ZNF618: variants seen among roughly 807,000 people sequenced by gnomAD.
The protein encoded by ZNF618 is neural precursor cell expressed, developmentally down-regulated 10.
Under a neutral mutation model 103.0 loss-of-function variants are expected in ZNF618, and 34 were observed. The observed-to-expected ratio is 0.33, with a 90% CI of 0.25 to 0.44. The LOEUF is 0.44. Ranked by LOEUF, ZNF618 falls within the 20% of genes least tolerant of loss-of-function variation. ZNF618 has a pLI of 1.00. For synonymous variants in ZNF618, 551 were observed against 542.2 expected (o/e 1.02, Z -0.23); for missense variants, 1,059 against 1,295.4 (o/e 0.82, Z 2.80).
At chr9:113,951,400 T>TAC (rs1363929480) in intron 1 of ZNF618, among the ~76,000 whole-genome samples, 1 of 139,684 alleles carries the variant, frequency 7.2e-6, no homozygotes, top group Non-Finnish European at 1.5e-5. Flanking sequence ...CCTATATATA[T>TAC]ACGTATATAT....
At chr9:114,016,634 C>A (rs1842667877) in intron 9 of ZNF618, 61 bp from the exon 10 acceptor site, 1 of 1,377,714 alleles carries the variant, frequency 7.3e-7, no homozygotes, top group Non-Finnish European at 1.0e-6. Flanking sequence ...TGGGAGCACG[C>A]TGATGCTTCT....
At chr9:114,017,199 G>A (rs965931855) in intron 10 of ZNF618, among the ~76,000 whole-genome samples, 8 of 152,206 alleles carry the variant, frequency 5.3e-5, no homozygotes, top group Non-Finnish European at 1.0e-4. Context: ...GGCTAGGGGC[G>A]TGGTTAACTG....
intron 1 of ZNF618, among the ~76,000 whole-genome samples, chr9:113,965,652 T>A (rs1355476119): frequency 2.0e-5 from 3 of 152,112 alleles, no homozygotes; most frequent in Non-Finnish European, 2.9e-5. Flanking sequence ...TGATTTAACC[T>A]CCTTCTCCGC....
At chr9:113,906,424 T>C (rs1830996156) in intron 1 of ZNF618, among the ~76,000 whole-genome samples, 1 of 152,184 alleles carries the variant, frequency 6.6e-6, no homozygotes, top group Non-Finnish European at 1.5e-5. Context: ...ATAGTCAGGT[T>C]GTAGGGTCGT....
In ZNF618 at chr9:114,034,507, T is replaced by C. The variant is rs569144271; in HGVS notation, c.1168+1779T>C. 1.7e-3 allele frequency among the ~76,000 whole-genome samples: 257 copies of C among 152,268 alleles called. 3 individuals are homozygous for C. The highest frequency in any genetic ancestry group is 5.9e-3 in the African/African-American group (244 of 41,556). On this transcript the variant is annotated intron_variant, in intron 12 of 14. Coordinates refer to ENST00000374126, the MANE Select transcript of ZNF618 (RefSeq NM_001318042.2). Reference sequence around the variant, plus strand: ...GTGTGCCTGGCATGTGTTCAGAGCTTTATATGTCTTATCTGTCTTCCTCCT... The same window carrying C: ...GTGTGCCTGGCATGTGTTCAGAGCTCTATATGTCTTATCTGTCTTCCTCCT...
chr9:113,969,151 C>T lies in ZNF618; in HGVS notation c.68C>T (p.Thr23Ile). 6.2e-7 allele frequency: 1 copy of T among 1,613,996 alleles called. No individual in the cohort carries two copies. The highest frequency in any genetic ancestry group is 1.1e-5 in the South Asian group (1 of 91,076). The change falls in exon 2 of 15, where the codon ACT becomes ATT. Residue 23 changes from threonine (T) to isoleucine (I), a missense_variant. By Grantham distance (89) the Thr-to-Ile change is moderately conservative. This residue lies in a region of ZNF618 where 194 missense variants were observed against 209.0 expected (regional missense o/e 0.93). Transcript: ENST00000374126. ...DGASAAGRKS[T>I]ASRERLKRSQ... ...GCCAGTGCAGCCGGAAGGAAAAGCA[C>T]TGCGAGCAGGTACACTCCCTCTCCC...
Position 114,050,287 on chromosome 9 carries a change from C to A in ZNF618, c.*120C>A. The A allele has an allele frequency of 1.6e-6, 2 of 1,266,782 alleles. No homozygotes were observed. The highest frequency in any genetic ancestry group is 2.1e-6 in the Non-Finnish European group (2 of 932,872). 78.5% of individuals were successfully genotyped at this position (1,266,782 alleles called of 1,614,324 possible). On this transcript the variant is annotated 3_prime_UTR_variant, in exon 15 of 15. Coordinates refer to ENST00000374126, the MANE Select transcript of ZNF618 (RefSeq NM_001318042.2). ...AACACTGTGGACCTCATTATAAATGCCCCCTGGAAACTTAAGTGCTTTTTT... is the reference window on the plus strand; with the variant it reads ...AACACTGTGGACCTCATTATAAATGACCCCTGGAAACTTAAGTGCTTTTTT...
intron 1 of ZNF618, among the ~76,000 whole-genome samples, chr9:113,909,653 G>A (rs114257786): frequency 9.8e-4 from 149 of 152,256 alleles, no homozygotes; most frequent in African/African-American, 3.3e-3. Flanking sequence ...GCTTGGGGAT[G>A]GGTGGTGGCT....
chr9:114,026,274 A>C (rs1476458561), intron 10 of ZNF618, among the ~76,000 whole-genome samples: 3 of 152,210 alleles, frequency 2.0e-5, no homozygotes, highest in Non-Finnish European at 4.4e-5. Flanking sequence ...CCTGTGAGGA[A>C]GCTGGAGAGG....
intron 3 of ZNF618, among the ~76,000 whole-genome samples, chr9:113,997,336 T>C (rs879446331): frequency 2.6e-5 from 4 of 152,104 alleles, no homozygotes; most frequent in Non-Finnish European, 4.4e-5. Flanking sequence ...CTTGAACTCA[T>C]GAACTCAAGT....
At chr9:113,890,577 T>C (rs565166276) in intron 1 of ZNF618, among the ~76,000 whole-genome samples, 2 of 152,362 alleles carry the variant, frequency 1.3e-5, no homozygotes, top group African/African-American at 4.8e-5. Flanking sequence ...GAGAAACATC[T>C]TTTTCGTACA....
intron 1 of ZNF618, among the ~76,000 whole-genome samples, chr9:113,957,561 C>T (rs1253430307): frequency 6.6e-6 from 1 of 152,168 alleles, no homozygotes; most frequent in Admixed American, 6.5e-5. Flanking sequence ...TAAAGTTCCT[C>T]CTCCCTGGTG....
intron 1 of ZNF618, among the ~76,000 whole-genome samples, chr9:113,964,619 C>T (rs1021428708): frequency 3.9e-5 from 6 of 151,962 alleles, no homozygotes; most frequent in Admixed American, 1.3e-4. Flanking sequence ...AAACACACAG[C>T]GGTTCCCCAC....
At chr9:114,030,633 G>A (rs1020159788) in intron 11 of ZNF618, among the ~76,000 whole-genome samples, 1 of 152,188 alleles carries the variant, frequency 6.6e-6, no homozygotes, top group African/African-American at 2.4e-5. Flanking sequence ...AGCTGAGCAG[G>A]TCAGAGGGCA....
chr9:114,019,190 CT>C (rs1842875465), intron 10 of ZNF618, among the ~76,000 whole-genome samples: 1 of 151,988 alleles, frequency 6.6e-6, no homozygotes, highest in Non-Finnish European at 1.5e-5. Context: ...GTTGTTCATT[CT>C]TTTTTACTTC....
intron 12 of ZNF618, 53 bp downstream of exon 12, chr9:114,032,781 C>T (rs41277651): frequency 0.074 from 114,345 of 1,538,360 alleles, 4,694 homozygotes; most frequent in Middle Eastern, 0.15. Flanking sequence ...GCTTCGCCCG[C>T]TCCCCCCTGG....
chr9:114,025,582 T>C (rs1392072186), intron 10 of ZNF618, among the ~76,000 whole-genome samples: 1 of 152,194 alleles, frequency 6.6e-6, no homozygotes, highest in African/African-American at 2.4e-5. Context: ...AGCATGACAG[T>C]GTTCCCTGTG....
chr9:114,015,724 A>C (rs1185946446), intron 9 of ZNF618, among the ~76,000 whole-genome samples: 3 of 152,238 alleles, frequency 2.0e-5, no homozygotes, highest in African/African-American at 7.2e-5. Flanking sequence ...AATAGGGAAA[A>C]AATTTTGAAA....
chr9:114,002,581 GC>G (rs1564282885), intron 5 of ZNF618, 42 bp from the exon 6 acceptor site: 1 of 1,598,388 alleles, frequency 6.3e-7, no homozygotes, highest in Admixed American at 1.7e-5. Flanking sequence ...CCTGTCATTG[GC>G]CCGGTAGCCC....
Sources: gnomAD v4.1 joint callset for allele counts (sites outside exome capture counted in the v4.1 genomes callset) on GRCh38, gnomAD v4.1.1 for gene constraint, gnomAD v4.1.1 regional missense constraint, MANE v1.5 for transcripts, NCBI Gene and HGNC (gene_info 2026-07-23, HGNC 2026-07-21) for gene names.